The following SYAP1 variants were observed in gnomAD, a reference collection of about 807,000 sequenced individuals.
SYAP1 encodes the protein synapse associated protein 1, also known as synapse-associated protein 1.
Under a neutral mutation model 29.6 loss-of-function variants are expected in SYAP1, and 3 were observed. That is an observed-to-expected ratio of 0.10 (90% CI 0.05 to 0.26). SYAP1 has a LOEUF of 0.26. Ranked by LOEUF, SYAP1 falls within the 10% of genes least tolerant of loss-of-function variation. The pLI is 1.00. For missense variants in SYAP1, 217 were observed against 264.1 expected, an observed-to-expected ratio of 0.82 and a Z score of 1.24; for synonymous variants, 102 against 102.7, an observed-to-expected ratio of 0.99 and a Z score of 0.04.
chrX:16,724,250 G>A (rs1411239255), intron 1 of SYAP1, among the ~76,000 whole-genome samples: 1 of 112,119 alleles, frequency 8.9e-6, no homozygotes, highest in Non-Finnish European at 1.9e-5. Flanking sequence ...GTGACAACAC[G>A]TGTGAGATGC....
At chrX:16,756,524 A>G (rs1926844001) in intron 6 of SYAP1, 139 bp from the exon 7 acceptor site, 1 of 538,106 alleles carries the variant, frequency 1.9e-6, no homozygotes, top group African/African-American at 2.4e-5. Flanking sequence ...ATAACTTAAG[A>G]AAAGCTGAAA....
Position 16,749,137 on chromosome X carries a change from C to A in SYAP1, c.575+5297C>A, listed in dbSNP as rs141126745. On this transcript the variant is annotated intron_variant, in intron 5 of 8. Coordinates refer to ENST00000380155, the MANE Select transcript of SYAP1 (RefSeq NM_032796.4). ...GTGGTGTGATCATGGCTCACTGCAG[C>A]CTCAACCTCCCAGGCTCAAGCAATT... is the stretch of plus-strand genomic sequence containing the variant. 6.5e-3 allele frequency among the ~76,000 whole-genome samples: 716 copies of A among 110,765 alleles called. 6 individuals carry two copies. Among genetic ancestry groups the A allele is most frequent in the African/African-American group, 0.022 (675 of 30,454 alleles).
chrX:16,742,236 T>C (rs866307650), intron 4 of SYAP1, among the ~76,000 whole-genome samples: 1 of 100,684 alleles, frequency 9.9e-6, no homozygotes, highest in African/African-American at 3.7e-5. Flanking sequence ...ACTGCAACCT[T>C]CTCCTCCCAG....
intron 1 of SYAP1, among the ~76,000 whole-genome samples, chrX:16,726,832 A>G (rs1241945274): frequency 9.0e-6 from 1 of 111,418 alleles, no homozygotes; most frequent in Non-Finnish European, 1.9e-5. Context: ...GCTGAAACAT[A>G]ATAGTATGTA....
intron 5 of SYAP1, among the ~76,000 whole-genome samples, chrX:16,753,532 A>G (rs1926782521): frequency 8.9e-6 from 1 of 112,166 alleles, no homozygotes; most frequent in African/African-American, 3.2e-5. Flanking sequence ...GGCACAAGAT[A>G]GTATTCTTCC....
intron 1 of SYAP1, among the ~76,000 whole-genome samples, chrX:16,725,429 T>A (rs1004316899): frequency 1.8e-5 from 2 of 112,182 alleles, no homozygotes; most frequent in Non-Finnish European, 3.8e-5. Context: ...GGTGGGTTGC[T>A]TGAGCCCAGG....
rs1316736660 is a variant in SYAP1 at position 16,764,363 on chromosome X, C to CTTTTT, written c.*4015_*4019dup. On this transcript the variant is annotated 3_prime_UTR_variant, in exon 9 of 9. Transcript: ENST00000380155. ...TTAGTTTTTCAACTTTTTTTTTTTT[C>CTTTTT]TTTTTTTTTTTTTTTGAGATGGAGG... The CTTTTT allele has an allele frequency of 1.2e-5, 1 of 81,776 alleles. No individual in the cohort carries two copies. The highest frequency in any genetic ancestry group is 4.5e-5 in the African/African-American group (1 of 22,170). 6.7% of individuals were successfully genotyped at this position (81,776 alleles called of 1,213,427 possible).
At position 16,760,249 on chromosome X, in the gene SYAP1, GA is replaced by G; in HGVS notation, c.954del (p.Glu319AsnfsTer12). 2 of 1,189,591 alleles carry G rather than the reference GA, an allele frequency of 1.7e-6. No homozygotes were observed. The highest frequency in any genetic ancestry group is 2.5e-5 in the Admixed American group (1 of 40,624). ...TCTTTTAGAGGATTCTGCAGATTGG[GA>G]AAAAGAACTGCAGCAGGAACTTCAA... ...AVLEEDSADWEKELQQELQEY... is the reference protein window; with the variant it reads ...AVLEEDSADWXKELQQELQEY... On this transcript the variant is annotated frameshift_variant, in exon 9 of 9. Coordinates refer to ENST00000380155, the MANE Select transcript of SYAP1 (RefSeq NM_032796.4). LOFTEE classifies it high-confidence loss of function.
chrX:16,751,656 C>T (rs1386082816), intron 5 of SYAP1, among the ~76,000 whole-genome samples: 6 of 106,926 alleles, frequency 5.6e-5, no homozygotes, highest in Admixed American at 1.0e-4. Flanking sequence ...TGTATATGTG[C>T]TTTTTTAATG....
intron 1 of SYAP1, among the ~76,000 whole-genome samples, chrX:16,733,688 C>T (rs1361900078): frequency 1.9e-5 from 2 of 103,865 alleles, no homozygotes; most frequent in African/African-American, 7.1e-5. Context: ...TTTTTTTAGA[C>T]GGAGTCTCGC....
chrX:16,746,660 G>A (rs1406491828), intron 5 of SYAP1, among the ~76,000 whole-genome samples: 1 of 110,215 alleles, frequency 9.1e-6, no homozygotes, highest in African/African-American at 3.3e-5. Flanking sequence ...TCGGCTCATC[G>A]TAACCACCTC....
chrX:16,734,194 C>T (rs1161946679), intron 1 of SYAP1, among the ~76,000 whole-genome samples: 1 of 109,042 alleles, frequency 9.2e-6, no homozygotes, highest in Non-Finnish European at 1.9e-5. Context: ...GCCTGGCCAA[C>T]ATGGTGAAAT....
At chrX:16,750,136 G>A (rs747004154) in intron 5 of SYAP1, among the ~76,000 whole-genome samples, 2 of 111,015 alleles carry the variant, frequency 1.8e-5, no homozygotes, top group African/African-American at 3.3e-5. Context: ...CAGTGTCATC[G>A]TTAAAGTGAG....
At chrX:16,727,911 T>TA (rs1035703456) in intron 1 of SYAP1, among the ~76,000 whole-genome samples, 1 of 112,275 alleles carries the variant, frequency 8.9e-6, no homozygotes, top group African/African-American at 3.2e-5. Flanking sequence ...AAAGCCTTGG[T>TA]AAAATAACAA....
chrX:16,732,523 C>T (rs1196526387), intron 1 of SYAP1, among the ~76,000 whole-genome samples: 3 of 111,006 alleles, frequency 2.7e-5, no homozygotes, highest in Admixed American at 1.9e-4. Context: ...CTGCCCGCCT[C>T]GGCCTCCCAA....
chrX:16,732,601 C>T (rs1926233746), intron 1 of SYAP1, among the ~76,000 whole-genome samples: 1 of 111,726 alleles, frequency 9.0e-6, no homozygotes, highest in Non-Finnish European at 1.9e-5. Flanking sequence ...TTTAACTTAA[C>T]CACTCAGTCA....
chrX:16,719,717 C>A lies in SYAP1; in HGVS notation c.-8C>A. 3.3e-6 allele frequency: 4 copies of A among 1,203,682 alleles called. No individual in the cohort carries two copies. Among genetic ancestry groups the A allele is most frequent in the Non-Finnish European group, 4.5e-6 (4 of 892,521 alleles). ...GGATCGGGACCGCGGCGGCGGCCCG[C>A]GAGCGGGATGTTCCGGGGCTTGAGC... On this transcript the variant is annotated 5_prime_UTR_variant, in exon 1 of 9. Coordinates refer to ENST00000380155, the MANE Select transcript of SYAP1 (RefSeq NM_032796.4).
chrX:16,741,901 G>T, intron 4 of SYAP1, 112 bp downstream of exon 4: 1 of 535,373 alleles, frequency 1.9e-6, no homozygotes. Context: ...AAAATATTTT[G>T]AGATGTTAGG....
chrX:16,720,077 C>A (rs1925927044), intron 1 of SYAP1, among the ~76,000 whole-genome samples, 178 bp downstream of exon 1: 1 of 111,459 alleles, frequency 9.0e-6, no homozygotes, highest in African/African-American at 3.3e-5. Context: ...AGGATCTGGA[C>A]GAGGCCAGAG....
Sources: gnomAD v4.1 joint callset for allele counts (sites outside exome capture counted in the v4.1 genomes callset) on GRCh38, gnomAD v4.1.1 for gene constraint, MANE v1.5 for transcripts, NCBI Gene and HGNC (gene_info 2026-07-23, HGNC 2026-07-21) for gene names.